The following TNIK variants were observed in gnomAD, a reference collection of about 807,000 sequenced individuals.
The protein encoded by TNIK is TRAF2 and NCK interacting kinase.
A neutral mutation model predicts 191.3 loss-of-function variants in TNIK; 49 were observed. That is an observed-to-expected ratio of 0.26 (90% CI 0.20 to 0.32). TNIK has a LOEUF of 0.32. Among genes scored for constraint, TNIK ranks in the 10% least tolerant of loss-of-function variants. The pLI is 1.00. For synonymous variants in TNIK, 594 were observed against 600.9 expected, an observed-to-expected ratio of 0.99 and a Z score of 0.17; for missense variants, 1,155 against 1,702.3, an observed-to-expected ratio of 0.68 and a Z score of 5.66.
intron 4 of TNIK, among the ~76,000 whole-genome samples, chr3:171,195,283 C>T (rs184010524): frequency 6.6e-6 from 1 of 152,302 alleles, no homozygotes; most frequent in Non-Finnish European, 1.5e-5. Context: ...CACCCTTACT[C>T]AATGGGGATG....
intron 30 of TNIK, 58 bp downstream of exon 30, chr3:171,068,789 CT>C (rs1718795762): frequency 2.0e-6 from 3 of 1,505,460 alleles, no homozygotes; most frequent in Non-Finnish European, 2.7e-6. Context: ...AAACAAATCT[CT>C]TTCTACATGC....
chr3:171,105,339 C>T (rs896255456), intron 21 of TNIK, among the ~76,000 whole-genome samples: 9 of 152,098 alleles, frequency 5.9e-5, no homozygotes, highest in African/African-American at 2.2e-4. Flanking sequence ...GCAGCAGCAC[C>T]CCTCTGCTCT....
At chr3:171,369,893 T>C (rs1319419340) in intron 1 of TNIK, among the ~76,000 whole-genome samples, 2 of 152,248 alleles carry the variant, frequency 1.3e-5, no homozygotes, top group Admixed American at 1.3e-4. Flanking sequence ...CTTTCCATTT[T>C]ACATTTCTAT....
chr3:171,062,768 TTTA>T lies in TNIK; in HGVS notation c.*1110_*1112del, dbSNP rs373967292. On this transcript the variant is annotated 3_prime_UTR_variant, in exon 33 of 33. Coordinates refer to ENST00000436636, the MANE Select transcript of TNIK (RefSeq NM_015028.4). ...GGAGAACACAGGCAGCTCAGAAACA[TTTA>T]TTATTAATTTTTTCAGTCACAGTTT... 6.7e-6 allele frequency: 1 copy of T among 150,062 alleles called. No homozygotes were observed. The highest frequency in any genetic ancestry group is 2.5e-5 in the African/African-American group (1 of 39,486). The allele number at this position is 150,062 out of a possible 1,614,324, so 9.3% of individuals were successfully genotyped here. A position where few individuals can be genotyped will look rare whatever the true frequency, so the allele number is the denominator to read the frequency against.
At chr3:171,103,424 T>A (rs1373203979) in intron 21 of TNIK, among the ~76,000 whole-genome samples, 2 of 152,142 alleles carry the variant, frequency 1.3e-5, no homozygotes, top group Non-Finnish European at 2.9e-5. Flanking sequence ...TTACTTCTTA[T>A]TTCCTCCTGG....
At chr3:171,222,431 G>A (rs1742467916) in intron 3 of TNIK, among the ~76,000 whole-genome samples, 1 of 151,948 alleles carries the variant, frequency 6.6e-6, no homozygotes, top group African/African-American at 2.4e-5. Flanking sequence ...ACAATGCTTG[G>A]GACATGATAA....
At chr3:171,138,990 T>C (rs1438453046) in intron 14 of TNIK, among the ~76,000 whole-genome samples, 2 of 152,180 alleles carry the variant, frequency 1.3e-5, no homozygotes, top group Non-Finnish European at 2.9e-5. Flanking sequence ...GGAAGCTGCA[T>C]GAGCAAGGGA....
chr3:171,446,169 C>CCTGT (rs1727467907), intron 1 of TNIK, among the ~76,000 whole-genome samples: 1 of 152,076 alleles, frequency 6.6e-6, no homozygotes, highest in Non-Finnish European at 1.5e-5. Context: ...TTCTCATGAC[C>CCTGT]CTGTCCTGAG....
intron 21 of TNIK, among the ~76,000 whole-genome samples, chr3:171,103,971 A>AGC (rs1724119229): frequency 6.6e-6 from 1 of 152,106 alleles, no homozygotes. Context: ...AAACACTTTA[A>AGC]AGTTCTGAAC....
chr3:171,257,280 T>G (rs1221864609), intron 2 of TNIK, among the ~76,000 whole-genome samples: 1 of 152,210 alleles, frequency 6.6e-6, no homozygotes, highest in Non-Finnish European at 1.5e-5. Flanking sequence ...GAGGTTTAAA[T>G]GATTCCATGT....
intron 1 of TNIK, among the ~76,000 whole-genome samples, chr3:171,455,639 A>G (rs1728707588): frequency 1.3e-5 from 2 of 152,192 alleles, no homozygotes; most frequent in South Asian, 4.1e-4. Context: ...ATATTTGTAC[A>G]GTGCTGTATG....
chr3:171,101,750 G>T, intron 21 of TNIK, 117 bp from the exon 22 acceptor site: 1 of 950,146 alleles, frequency 1.1e-6, no homozygotes, highest in Non-Finnish European at 1.5e-6. Context: ...ATATAGAACT[G>T]TGACAAACAT....
rs1227765400 is a variant in TNIK at position 171,066,753 on chromosome 3, G to A, written c.3700-18C>T. On this transcript the variant is annotated intron_variant, in intron 30 of 32. Coordinates refer to ENST00000436636, the MANE Select transcript of TNIK (RefSeq NM_015028.4). ...CCCTGAATCTAGAAGACAAAGAAAA[G>A]CCAAGCATTATTCTTTTAAAAAATA... is the stretch of plus-strand genomic sequence containing the variant. 1 of 1,609,158 alleles carries A rather than the reference G, an allele frequency of 6.2e-7. No homozygotes were observed. The highest frequency in any genetic ancestry group is 8.5e-7 in the Non-Finnish European group (1 of 1,177,328).
rs952224522 is a variant in TNIK, at chr3:171,159,947, A to G, written c.1016+1323T>C. Among the ~76,000 whole-genome samples, 1 of 152,220 alleles carries G rather than the reference A, an allele frequency of 6.6e-6. No individual in the cohort carries two copies. The highest frequency in any genetic ancestry group is 1.5e-5 in the Non-Finnish European group (1 of 68,048). On this transcript the variant is annotated intron_variant, in intron 11 of 32. Coordinates refer to ENST00000436636, the MANE Select transcript of TNIK (RefSeq NM_015028.4). This position sits in a 1 kb window ranked among gnomAD's most constrained non-coding sequence, Gnocchi z 4.1. ...GCTGGCTCGTTGAGTGACTCCTAATATGCAGTTTAGCAAGTGTTAGAAAGA... is the reference window on the plus strand; with the variant it reads ...GCTGGCTCGTTGAGTGACTCCTAATGTGCAGTTTAGCAAGTGTTAGAAAGA...
intron 1 of TNIK, among the ~76,000 whole-genome samples, chr3:171,403,114 C>A (rs1367808521): frequency 6.6e-6 from 1 of 152,142 alleles, no homozygotes; most frequent in African/African-American, 2.4e-5. Flanking sequence ...GAAAGGAAAT[C>A]CCAGTATGGC....
rs559378490 is a variant in TNIK, at chr3:171,349,701, T to C, written c.123+19919A>G. Among the ~76,000 whole-genome samples, 20 of 152,328 alleles carry C rather than the reference T, an allele frequency of 1.3e-4. 1 individual carries two copies. Among genetic ancestry groups the C allele is most frequent in the Middle Eastern group, 3.4e-3 (1 of 294 alleles). ...TGTTTTAGCCCAGTATTTCCAACAT[T>C]CCTGTAATCCATTCCATTTCAGTCA... is the stretch of plus-strand genomic sequence containing the variant. On this transcript the variant is annotated intron_variant, in intron 2 of 32. Transcript: ENST00000436636.
chr3:171,124,809 G>C (rs1026471247), intron 17 of TNIK, among the ~76,000 whole-genome samples: 1 of 152,082 alleles, frequency 6.6e-6, no homozygotes, highest in Non-Finnish European at 1.5e-5. Context: ...TTTTCTCCCA[G>C]GTTCATGCAT....
chr3:171,156,919 T>C (rs1439843520), intron 12 of TNIK, among the ~76,000 whole-genome samples: 1 of 152,244 alleles, frequency 6.6e-6, no homozygotes, highest in African/African-American at 2.4e-5. Flanking sequence ...AGTTAATACC[T>C]ATATTTCACC....
intron 2 of TNIK, among the ~76,000 whole-genome samples, chr3:171,335,528 C>A (rs905926191): frequency 6.6e-6 from 1 of 152,192 alleles, no homozygotes; most frequent in Admixed American, 6.5e-5. Context: ...AGTACACAGC[C>A]TTTTGAGGCT....
Sources: gnomAD v4.1 joint callset for allele counts (sites outside exome capture counted in the v4.1 genomes callset) on GRCh38, gnomAD v4.1.1 for gene constraint, Gnocchi (gnomAD v3.1) non-coding constraint, MANE v1.5 for transcripts, NCBI Gene and HGNC (gene_info 2026-07-23, HGNC 2026-07-21) for gene names.